The following SLC38A1 variants were observed in gnomAD, a reference collection of about 807,000 sequenced individuals.
The protein encoded by SLC38A1 is sodium-coupled neutral amino acid symporter 1.
In SLC38A1, 18 loss-of-function variants were observed where a neutral mutation model predicts 60.3. The observed-to-expected ratio is 0.30, with a 90% CI of 0.21 to 0.44. SLC38A1 has a LOEUF of 0.44. SLC38A1 is among the 20% of genes least tolerant of loss of function. The pLI is 1.00. For synonymous variants in SLC38A1, 196 were observed against 212.1 expected (o/e 0.92, Z 0.66); for missense variants, 448 against 587.2 (o/e 0.76, Z 2.45).
At chr12:46,225,645 A>G (rs1030740380) in intron 5 of SLC38A1, among the ~76,000 whole-genome samples, 2 of 152,218 alleles carry the variant, frequency 1.3e-5, no homozygotes, top group African/African-American at 4.8e-5. Context: ...GTAAAGGAAC[A>G]TCTTAAGTAA....
chr12:46,213,694 C>T lies in SLC38A1; in HGVS notation c.315-4567G>A, dbSNP rs373363507. Among the ~76,000 whole-genome samples, 19 of 152,344 alleles carry T rather than the reference C, an allele frequency of 1.2e-4. No individual in the cohort carries two copies. In the East Asian group the frequency reaches 2.3e-3, roughly 19 times the overall value. Reference sequence around the variant, plus strand: ...CCATCTCCACTCTAGTGTGAGCCATCGTCCTTAATTTCTGGATAACTGTGA... The same window carrying T: ...CCATCTCCACTCTAGTGTGAGCCATTGTCCTTAATTTCTGGATAACTGTGA... On this transcript the variant is annotated intron_variant, in intron 5 of 16. Coordinates refer to ENST00000398637, the MANE Select transcript of SLC38A1 (RefSeq NM_030674.4).
At chr12:46,205,453 T>C (rs762503359) in intron 9 of SLC38A1, among the ~76,000 whole-genome samples, 70 of 152,206 alleles carry the variant, frequency 4.6e-4, no homozygotes, top group Admixed American at 7.9e-4. Flanking sequence ...ATACATTTTA[T>C]AGGTTTTTGA....
At chr12:46,232,527 A>G (rs965233773) in intron 3 of SLC38A1, among the ~76,000 whole-genome samples, 1 of 152,262 alleles carries the variant, frequency 6.6e-6, no homozygotes, top group African/African-American at 2.4e-5. Context: ...TTTCCACAGA[A>G]CTAAGGTTTA....
At chr12:46,203,593 T>C (rs2137110549) in intron 11 of SLC38A1, among the ~76,000 whole-genome samples, 1 of 152,362 alleles carries the variant, frequency 6.6e-6, no homozygotes, top group Non-Finnish European at 1.5e-5. Context: ...ATTGCACTAC[T>C]TTGGCTATAT....
intron 3 of SLC38A1, among the ~76,000 whole-genome samples, chr12:46,230,928 C>G (rs1385564562): frequency 6.6e-6 from 1 of 152,142 alleles, no homozygotes; most frequent in African/African-American, 2.4e-5. Context: ...ACCATTCCAT[C>G]TAGCAATCCC....
At chr12:46,256,150 A>G (rs1392419197) in intron 1 of SLC38A1, among the ~76,000 whole-genome samples, 1 of 145,180 alleles carries the variant, frequency 6.9e-6, no homozygotes, top group Non-Finnish European at 1.5e-5. Flanking sequence ...TGGGCAACAG[A>G]GAGAGGTTCT....
chr12:46,222,795 A>T (rs1427105635), intron 5 of SLC38A1, among the ~76,000 whole-genome samples: 1 of 152,180 alleles, frequency 6.6e-6, no homozygotes, highest in African/African-American at 2.4e-5. Flanking sequence ...CCACATGACA[A>T]ATATGAAGCC....
intron 1 of SLC38A1, among the ~76,000 whole-genome samples, chr12:46,256,161 ATCTC>A (rs1942014765): frequency 7.3e-6 from 1 of 137,084 alleles, no homozygotes; most frequent in African/African-American, 2.9e-5. Flanking sequence ...GAGAGGTTCT[ATCTC>A]AAAAAAAAAA....
chr12:46,201,638 T>C (rs1179298876), intron 12 of SLC38A1, among the ~76,000 whole-genome samples: 3 of 151,870 alleles, frequency 2.0e-5, no homozygotes, highest in African/African-American at 2.4e-5. Context: ...GATTTTCCCA[T>C]TGGGTGGCCT....
chr12:46,196,325 A>T, intron 16 of SLC38A1: 1 of 1,532,032 alleles, frequency 6.5e-7, no homozygotes, highest in Non-Finnish European at 8.7e-7. Context: ...TGCACATGGC[A>T]TACCATCCTG....
chr12:46,197,737 C>T lies in SLC38A1; in HGVS notation c.1345G>A (p.Gly449Arg), dbSNP rs756876684. The T allele has an allele frequency of 6.3e-7, 1 of 1,593,728 alleles. No individual in the cohort carries two copies. The highest frequency in any genetic ancestry group is 1.2e-5 in the South Asian group (1 of 86,434). ...AGACATACCCAAATTCTTTGAGTTCCTTTATCTCCATCCTGGTCTGTGATT... is the reference window on the plus strand; with the variant it reads ...AGACATACCCAAATTCTTTGAGTTCTTTTATCTCCATCCTGGTCTGTGATT... ...LKITDQDGDKGTQRIWAALFL... is the reference protein window; with the variant it reads ...LKITDQDGDKRTQRIWAALFL... The change falls in exon 16 of 17, where the codon GGA becomes AGA. Residue 449 changes from glycine to arginine, a missense_variant. Transcript: ENST00000398637.
chr12:46,228,521 G>A (rs754110493), intron 5 of SLC38A1, among the ~76,000 whole-genome samples: 8 of 152,174 alleles, frequency 5.3e-5, no homozygotes, highest in Non-Finnish European at 8.8e-5. Context: ...CAGGCTGGGC[G>A]AGAATTTTCT....
intron 6 of SLC38A1, among the ~76,000 whole-genome samples, chr12:46,208,556 G>A (rs1445295992): frequency 6.6e-6 from 1 of 152,144 alleles, no homozygotes; most frequent in African/African-American, 2.4e-5. Flanking sequence ...CAGTGTCCCA[G>A]AAATAGAAAA....
At chr12:46,236,731 G>A (rs1207843277) in intron 3 of SLC38A1, among the ~76,000 whole-genome samples, 1 of 152,142 alleles carries the variant, frequency 6.6e-6, no homozygotes, top group Non-Finnish European at 1.5e-5. Context: ...CACATTTAGA[G>A]GAACAGTCTA....
At chr12:46,226,651 A>G (rs905780144) in intron 5 of SLC38A1, among the ~76,000 whole-genome samples, 3 of 135,702 alleles carry the variant, frequency 2.2e-5, no homozygotes, top group Non-Finnish European at 4.6e-5. Context: ...TTGAGACGGA[A>G]TCTTGCTCTG....
chr12:46,199,240 G>A (rs954978941), intron 13 of SLC38A1, among the ~76,000 whole-genome samples: 1 of 150,100 alleles, frequency 6.7e-6, no homozygotes, highest in Non-Finnish European at 1.5e-5. Context: ...TTCACCATCA[G>A]GAAATAATTC....
At chr12:46,241,044 C>T (rs1333328886) in intron 2 of SLC38A1, among the ~76,000 whole-genome samples, 1 of 152,078 alleles carries the variant, frequency 6.6e-6, no homozygotes, top group Non-Finnish European at 1.5e-5. Flanking sequence ...GCCACAGAGG[C>T]AAATGCAACT....
intron 1 of SLC38A1, among the ~76,000 whole-genome samples, chr12:46,261,029 C>T (rs2096855028): frequency 6.6e-6 from 1 of 152,208 alleles, no homozygotes; most frequent in Admixed American, 6.5e-5. Context: ...TATATTCCTT[C>T]TAATTTTCCA....
At chr12:46,260,433 C>G (rs1942162067) in intron 1 of SLC38A1, among the ~76,000 whole-genome samples, 1 of 152,190 alleles carries the variant, frequency 6.6e-6, no homozygotes, top group South Asian at 2.1e-4. Context: ...CTCATAAATA[C>G]AACTTGATCA....
Sources: gnomAD v4.1 joint callset for allele counts (sites outside exome capture counted in the v4.1 genomes callset) on GRCh38, gnomAD v4.1.1 for gene constraint, MANE v1.5 for transcripts, NCBI Gene and HGNC (gene_info 2026-07-23, HGNC 2026-07-21) for gene names.